The following NF1 variants were observed in gnomAD, a reference collection of about 807,000 sequenced individuals.
The protein encoded by NF1 is neurofibromin.
Under a neutral mutation model 325.7 loss-of-function variants are expected in NF1, and 122 were observed. The ratio of observed to expected loss-of-function variants is 0.37; its 90% confidence interval spans 0.32 to 0.44. The LOEUF is 0.44. Ranked by LOEUF, NF1 falls within the 20% of genes least tolerant of loss-of-function variation. The pLI is 1.00. For synonymous variants in NF1, 1,091 were observed against 1,186.0 expected, an observed-to-expected ratio of 0.92 and a Z score of 1.65; for missense variants, 2,140 against 3,415.4, an observed-to-expected ratio of 0.63 and a Z score of 9.31.
chr17:31,260,993 A>C (rs2067676557), intron 34 of NF1, among the ~76,000 whole-genome samples: 1 of 152,206 alleles, frequency 6.6e-6, no homozygotes, highest in African/African-American at 2.4e-5. Context: ...CTATAATCTC[A>C]GCACTTTGGG....
At chr17:31,119,490 C>G (rs1308352669) in intron 1 of NF1, among the ~76,000 whole-genome samples, 1 of 146,042 alleles carries the variant, frequency 6.8e-6, no homozygotes, top group Non-Finnish European at 1.5e-5. Flanking sequence ...AATTTAAGTT[C>G]TTTGTAGATT....
chr17:31,193,658 T>C (rs1040911638), intron 8 of NF1, among the ~76,000 whole-genome samples: 1 of 151,066 alleles, frequency 6.6e-6, no homozygotes, highest in African/African-American at 2.4e-5. Context: ...AACTCTGATA[T>C]CTCAACAGCA....
At chr17:31,140,846 G>A (rs1019521628) in intron 1 of NF1, among the ~76,000 whole-genome samples, 2 of 152,076 alleles carry the variant, frequency 1.3e-5, no homozygotes. Flanking sequence ...AATAGACCAC[G>A]CACAAAAAGA....
At chr17:31,344,156 T>C (rs993080617) in intron 48 of NF1, among the ~76,000 whole-genome samples, 4 of 152,242 alleles carry the variant, frequency 2.6e-5, no homozygotes, top group African/African-American at 7.2e-5. Flanking sequence ...AACTTGTTTA[T>C]AGTTTATTGT....
intron 4 of NF1, among the ~76,000 whole-genome samples, chr17:31,168,967 G>A (rs552755859): frequency 1.3e-5 from 2 of 152,262 alleles, no homozygotes; most frequent in Admixed American, 1.3e-4. Context: ...TACAGTCCAT[G>A]TAGGGAATGC....
chr17:31,292,953 G>GA (rs2068372121), intron 36 of NF1, among the ~76,000 whole-genome samples: 1 of 151,904 alleles, frequency 6.6e-6, no homozygotes, highest in Admixed American at 6.6e-5. Flanking sequence ...CAAAGCAGGC[G>GA]AATCACCTGA....
At chr17:31,160,430 T>A (rs143421408) in intron 3 of NF1, among the ~76,000 whole-genome samples, 1 of 152,334 alleles carries the variant, frequency 6.6e-6, no homozygotes, top group Admixed American at 6.5e-5. Flanking sequence ...GTTGACCATA[T>A]TCCAAAATTG....
intron 1 of NF1, among the ~76,000 whole-genome samples, chr17:31,117,547 C>T (rs1421283070): frequency 6.6e-6 from 1 of 150,666 alleles, no homozygotes; most frequent in Non-Finnish European, 1.5e-5. Context: ...GTGGCGGGCT[C>T]CTGTAGTCCT....
intron 29 of NF1, among the ~76,000 whole-genome samples, chr17:31,241,122 C>T (rs2067288834): frequency 6.6e-6 from 1 of 152,174 alleles, no homozygotes; most frequent in South Asian, 2.1e-4. Flanking sequence ...AAGCAATCCA[C>T]CCGCCTCGGT....
intron 1 of NF1, among the ~76,000 whole-genome samples, chr17:31,107,600 A>G (rs1448903111): frequency 6.6e-6 from 1 of 152,022 alleles, no homozygotes; most frequent in Non-Finnish European, 1.5e-5. Flanking sequence ...TAAATAAATA[A>G]AATAAATACA....
chr17:31,343,842 G>C (rs931102697), intron 48 of NF1, among the ~76,000 whole-genome samples: 3 of 151,906 alleles, frequency 2.0e-5, no homozygotes, highest in African/African-American at 7.3e-5. Flanking sequence ...TATAGTGCCA[G>C]CTACTTGGGA....
intron 12 of NF1, 129 bp from the exon 13 acceptor site, chr17:31,214,322 A>C: frequency 1.5e-6 from 1 of 666,422 alleles, no homozygotes; most frequent in Non-Finnish European, 2.6e-6. Context: ...GTTTCTACTA[A>C]TACCACACAT....
chr17:31,152,266 G>A (rs768973109), intron 1 of NF1, among the ~76,000 whole-genome samples: 1 of 151,468 alleles, frequency 6.6e-6, no homozygotes, highest in African/African-American at 2.4e-5. Flanking sequence ...ATATGTTAAG[G>A]TATTGGTCAT....
chr17:31,359,644 GA>G (rs1287800641), intron 56 of NF1: 6 of 154,546 alleles, frequency 3.9e-5, no homozygotes, highest in African/African-American at 1.2e-4. Context: ...ATTTTTAGTA[GA>G]AACAGGGTTT....
rs138349673 is a variant in NF1, at chr17:31,143,291, G to T, written c.61-12692G>T. On this transcript the variant is annotated intron_variant, in intron 1 of 57. Coordinates refer to ENST00000358273, the MANE Select transcript of NF1 (RefSeq NM_001042492.3). ...CACGGACACACACACTCTTTGAGAC[G>T]GGTCTTGTTCTATCACCCAAGCTGG... 2.6e-5 allele frequency among the ~76,000 whole-genome samples: 4 copies of T among 151,612 alleles called. No individual in the cohort carries two copies. In the South Asian group the frequency reaches 6.2e-4, roughly 24 times the overall value.
In NF1 at chr17:31,234,670, C is replaced by CAAA. The variant is rs754308242; in HGVS notation, c.3709-917_3709-915dup. On this transcript the variant is annotated intron_variant, in intron 27 of 57. Coordinates refer to ENST00000358273, the MANE Select transcript of NF1 (RefSeq NM_001042492.3). Reference sequence around the variant, plus strand: ...TGGGCGACAGAGCGAGACTCTGTCTCAAAAAAAAAAAAAAAAAAAAAAAAA... The same window carrying CAAA: ...TGGGCGACAGAGCGAGACTCTGTCTCAAAAAAAAAAAAAAAAAAAAAAAAAAAA... Among the ~76,000 whole-genome samples the CAAA allele has an allele frequency of 2.3e-4, 13 of 56,278 alleles. 1 individual carries two copies. Among genetic ancestry groups the CAAA allele is most frequent in the Non-Finnish European group, 3.2e-4 (9 of 27,960 alleles). 36.9% of individuals were successfully genotyped at this position (56,278 alleles called of 152,430 possible). A position where few individuals can be genotyped will look rare whatever the true frequency, so the allele number is the denominator to read the frequency against.
rs1247571948 is a variant in NF1 at position 31,377,309 on chromosome 17, T to A, written c.*3154T>A. 4.3e-6 allele frequency: 1 copy of A among 233,550 alleles called. No homozygotes were observed. The highest frequency in any genetic ancestry group is 8.5e-6 in the Non-Finnish European group (1 of 117,956). 14.5% of individuals were successfully genotyped at this position (233,550 alleles called of 1,614,324 possible). On this transcript the variant is annotated 3_prime_UTR_variant, in exon 58 of 58. Coordinates refer to ENST00000358273, the MANE Select transcript of NF1 (RefSeq NM_001042492.3). The stretch of plus-strand genomic sequence containing the variant: ...GCTTTTTTGTAAAGCAGTTAGTTGC[T>A]GCACATGGATAACAACAAAAATTTG...
intron 13 of NF1, 39 bp downstream of exon 13, chr17:31,214,624 C>G (rs2143961377): frequency 6.2e-7 from 1 of 1,603,296 alleles, no homozygotes; most frequent in Non-Finnish European, 8.5e-7. Context: ...AATTATCACA[C>G]TAAGTTAATT....
intron 50 of NF1, among the ~76,000 whole-genome samples, chr17:31,352,016 C>A (rs1302261034): frequency 1.3e-5 from 2 of 152,068 alleles, no homozygotes; most frequent in East Asian, 3.9e-4. Flanking sequence ...TTAAAAATTG[C>A]AGTACAGATC....
Sources: allele counts gnomAD v4.1 joint callset (sites outside exome capture counted in the v4.1 genomes callset), GRCh38; gene constraint gnomAD v4.1.1; transcripts MANE v1.5; gene names NCBI Gene and HGNC (gene_info 2026-07-23, HGNC 2026-07-21).